INO80D: variants seen among roughly 807,000 people sequenced by gnomAD.
INO80D encodes the protein INO80 complex subunit D.
INO80D carries 21 observed loss-of-function variants against 87.6 expected under a neutral mutation model. The ratio of observed to expected loss-of-function variants is 0.24; its 90% CI spans 0.17 to 0.35. The LOEUF (loss-of-function observed/expected upper bound fraction) is 0.35. Ranked by LOEUF, INO80D falls within the 10% of genes least tolerant of loss-of-function variation. INO80D has a pLI of 1.00. For missense variants in INO80D, 982 were observed against 1,280.7 expected, an observed-to-expected ratio of 0.77 and a Z score of 3.56; for synonymous variants, 440 against 491.0, an observed-to-expected ratio of 0.90 and a Z score of 1.37.
intron 8 of INO80D, 124 bp downstream of exon 8, chr2:206,017,556 T>C: frequency 1.4e-6 from 1 of 710,704 alleles, no homozygotes; most frequent in South Asian, 2.8e-5. Flanking sequence ...CTTAAGGGAA[T>C]AAAAATCCTC....
intron 5 of INO80D, 41 bp downstream of exon 5, chr2:206,046,463 G>A (rs761143852): frequency 4.1e-4 from 509 of 1,248,282 alleles, no homozygotes; most frequent in Middle Eastern, 6.0e-4. Context: ...GCGAGACTCC[G>A]TCTCAAAAAA....
At chr2:206,017,054 G>C (rs1248476118) in intron 8 of INO80D, among the ~76,000 whole-genome samples, 2 of 152,158 alleles carry the variant, frequency 1.3e-5, no homozygotes. Flanking sequence ...TTAGCCCCTA[G>C]TTATATACCA....
At chr2:206,018,529 G>C (rs1267816836) in intron 7 of INO80D, among the ~76,000 whole-genome samples, 1 of 152,080 alleles carries the variant, frequency 6.6e-6, no homozygotes, top group Non-Finnish European at 1.5e-5. Context: ...TAAAGATATA[G>C]TTATTAGAAA....
chr2:206,005,440 A>G lies in INO80D; in HGVS notation c.2012T>C (p.Ile671Thr), dbSNP rs748552208. The G allele has an allele frequency of 1.6e-5, 26 of 1,613,760 alleles. No individual in the cohort carries two copies. The highest frequency in any genetic ancestry group is 7.7e-5 in the South Asian group (7 of 91,078). Residue 671 changes from isoleucine (I) to threonine (T), a missense_variant, in exon 11 of 11, where the codon ATT becomes ACT. Coordinates refer to ENST00000403263, the MANE Select transcript of INO80D (RefSeq NM_017759.5). ...ACCATCTGACTGGGCAAGGACCCCAATGGTACTCAGGCACTCGAGAGAAGT... is the reference window on the plus strand; with the variant it reads ...ACCATCTGACTGGGCAAGGACCCCAGTGGTACTCAGGCACTCGAGAGAAGT... ...AVTSLECLST[I>T]GVLAQSDGVP...
chr2:206,049,042 C>G (rs1559452477), intron 4 of INO80D, among the ~76,000 whole-genome samples: 1 of 152,144 alleles, frequency 6.6e-6, no homozygotes, highest in African/African-American at 2.4e-5. Flanking sequence ...ACCTTGATAA[C>G]TAGTATTTTA....
Position 206,004,124 on chromosome 2 carries a change from A to G in INO80D, c.*244T>C, listed in dbSNP as rs754835525. 7.1e-6 allele frequency: 4 copies of G among 559,742 alleles called. No individual in the cohort carries two copies. Among genetic ancestry groups the G allele is most frequent in the South Asian group, 2.2e-5 (1 of 45,634 alleles). 34.7% of individuals were successfully genotyped at this position (559,742 alleles called of 1,614,324 possible). On this transcript the variant is annotated 3_prime_UTR_variant, in exon 11 of 11. Coordinates refer to ENST00000403263, the MANE Select transcript of INO80D (RefSeq NM_017759.5). This position sits in a 1 kb window ranked among gnomAD's most constrained non-coding sequence, Gnocchi z 4.9. ...CAATCCTATCCAGTCACTGTGCTGA[A>G]CCACTAAGGAAACCACTGGGGCGGA...
At chr2:206,054,220 C>T (rs1165309000) in intron 4 of INO80D, among the ~76,000 whole-genome samples, 1 of 149,814 alleles carries the variant, frequency 6.7e-6, no homozygotes, top group Non-Finnish European at 1.5e-5. Flanking sequence ...CAAGGTCTTA[C>T]TGTGTCGCCC....
chr2:206,043,421 C>T (rs947904372), intron 5 of INO80D, among the ~76,000 whole-genome samples: 7 of 151,866 alleles, frequency 4.6e-5, no homozygotes, highest in Non-Finnish European at 7.4e-5. Flanking sequence ...CCGCCCACTT[C>T]GGCCTCCCAA....
rs1156478652 is a variant in INO80D at position 206,056,253 on chromosome 2, C to T, written c.909G>A (p.Leu303=). The change falls in exon 4 of 11, where the codon CTG becomes CTA. Residue 303 remains leucine, a synonymous_variant. Transcript: ENST00000403263. ...GATGTTTCTGGGTGCACAGTTTCACCAGTCTCTGCAGTCGGCTTATACATG... is the reference window on the plus strand; with the variant it reads ...GATGTTTCTGGGTGCACAGTTTCACTAGTCTCTGCAGTCGGCTTATACATG... The part of the protein sequence containing the change: ...HFSCISRLQR[L]VKLCTQKHQL... 6.2e-7 allele frequency: 1 copy of T among 1,610,910 alleles called. No individual in the cohort carries two copies. Among genetic ancestry groups the T allele is most frequent in the Admixed American group, 1.7e-5 (1 of 59,304 alleles).
chr2:206,040,761 GT>G, intron 5 of INO80D: 1 of 282,694 alleles, frequency 3.5e-6, no homozygotes. Context: ...TTAAACACAA[GT>G]CCCAATGGGA....
At position 206,000,308 on chromosome 2, in the gene INO80D, CCTT is replaced by C. The variant is rs1687886624; in HGVS notation, c.*4057_*4059del. 1 of 151,568 alleles carries C rather than the reference CCTT, an allele frequency of 6.6e-6. No individual in the cohort carries two copies. The highest frequency in any genetic ancestry group is 6.6e-5 in the Admixed American group (1 of 15,180). The allele number at this position is 151,568 out of a possible 1,614,324, so 9.4% of individuals were successfully genotyped here. On this transcript the variant is annotated 3_prime_UTR_variant, in exon 11 of 11. Transcript: ENST00000403263. ...TTTTTGCAATACCAACCCATAGCGA[CCTT>C]CTGAACTAACCTGGAGGAGAGGAGA... is the stretch of plus-strand genomic sequence containing the variant.
Position 206,005,127 on chromosome 2 carries a change from A to C in INO80D, c.2325T>G (p.Leu775=), listed in dbSNP as rs530833163. The C allele has an allele frequency of 6.2e-7, 1 of 1,613,992 alleles. No individual in the cohort carries two copies. Among genetic ancestry groups the C allele is most frequent in the African/African-American group, 1.3e-5 (1 of 75,048 alleles). The stretch of plus-strand genomic sequence containing the variant: ...ACTGTCCTGGGAAGGCTCTCTCCCC[A>C]AGTGCACTCTGGCTGATCAGAGTGG... ...TSATLISQSA[L]GERAFPGQFH... The change falls in exon 11 of 11, where the codon CTT becomes CTG. Residue 775 remains leucine (L), a synonymous_variant. Coordinates refer to ENST00000403263, the MANE Select transcript of INO80D (RefSeq NM_017759.5).
At chr2:206,052,603 T>C (rs949753121) in intron 4 of INO80D, among the ~76,000 whole-genome samples, 5 of 151,682 alleles carry the variant, frequency 3.3e-5, no homozygotes, top group Non-Finnish European at 7.4e-5. Context: ...CTGGGCAACA[T>C]AGTGAGACCC....
At chr2:206,012,841 C>A (rs1688212995) in intron 8 of INO80D, among the ~76,000 whole-genome samples, 1 of 140,104 alleles carries the variant, frequency 7.1e-6, no homozygotes, top group Non-Finnish European at 1.5e-5. Context: ...TGCACTCAAA[C>A]CTGGGTGACA....
chr2:206,054,760 C>T (rs1405328084), intron 4 of INO80D, among the ~76,000 whole-genome samples: 1 of 152,078 alleles, frequency 6.6e-6, no homozygotes, highest in Non-Finnish European at 1.5e-5. Context: ...GTGATCTGCC[C>T]ACCTCAGCCT....
At chr2:206,029,154 C>G (rs1688698105) in intron 5 of INO80D, among the ~76,000 whole-genome samples, 1 of 152,070 alleles carries the variant, frequency 6.6e-6, no homozygotes, top group Non-Finnish European at 1.5e-5. Context: ...TCCCAAAGTG[C>G]TGGGATTACA....
intron 1 of INO80D, among the ~76,000 whole-genome samples, chr2:206,074,670 C>T (rs1012504941): frequency 2.0e-5 from 3 of 151,660 alleles, no homozygotes; most frequent in Admixed American, 6.6e-5. Flanking sequence ...CTGGGCATGG[C>T]GGCTCACGCC....
At chr2:206,041,409 G>A (rs931591767) in intron 5 of INO80D, among the ~76,000 whole-genome samples, 1 of 152,176 alleles carries the variant, frequency 6.6e-6, no homozygotes, top group Non-Finnish European at 1.5e-5. Flanking sequence ...ACGATGGAGT[G>A]GCTATGTTAA....
chr2:206,039,972 A>G (rs570960764), intron 5 of INO80D, among the ~76,000 whole-genome samples: 2 of 151,958 alleles, frequency 1.3e-5, no homozygotes, highest in East Asian at 3.9e-4. Context: ...AACATACGAC[A>G]AAGAGTAATC....
Sources: gnomAD v4.1 joint callset for allele counts (sites outside exome capture counted in the v4.1 genomes callset) on GRCh38, gnomAD v4.1.1 for gene constraint, Gnocchi (gnomAD v3.1) non-coding constraint, MANE v1.5 for transcripts, NCBI Gene and HGNC (gene_info 2026-07-23, HGNC 2026-07-21) for gene names.